Variants in ADAMTS15 observed in about 807,000 individuals in gnomAD.
ADAMTS15 encodes A disintegrin and metalloproteinase with thrombospondin motifs 15.
A neutral mutation model predicts 79.1 loss-of-function variants in ADAMTS15; 35 were observed. The ratio of observed to expected loss-of-function variants is 0.44; its 90% confidence interval spans 0.34 to 0.59. The LOEUF (loss-of-function observed/expected upper bound fraction) is 0.59. ADAMTS15 is among the 20% of genes least tolerant of loss of function. ADAMTS15 has a pLI of 0.02. For missense variants in ADAMTS15, 1,324 were observed against 1,318.7 expected (o/e 1.00, Z -0.06); for synonymous variants, 616 against 567.3 (o/e 1.09, Z -1.22).
intron 4 of ADAMTS15, among the ~76,000 whole-genome samples, chr11:130,468,242 C>G (rs1938343828): frequency 6.6e-6 from 1 of 152,188 alleles, no homozygotes; most frequent in Non-Finnish European, 1.5e-5. Flanking sequence ...TTAGTATTAT[C>G]AAACCCATTT....
chr11:130,462,043 T>G lies in ADAMTS15; in HGVS notation c.1091-44T>G, dbSNP rs1013308847. On this transcript the variant is annotated intron_variant, in intron 2 of 7. Coordinates refer to ENST00000299164, the MANE Select transcript of ADAMTS15 (RefSeq NM_139055.4). This position sits in a 1 kb window ranked among gnomAD's most constrained non-coding sequence, Gnocchi z 4.3. Reference sequence around the variant, plus strand: ...GCCCCATTCCTCCCTCCAACCCCCATGTCCTTCCTCCTGCCCTCTCAGTCC... The same window carrying G: ...GCCCCATTCCTCCCTCCAACCCCCAGGTCCTTCCTCCTGCCCTCTCAGTCC... The G allele has an allele frequency of 2.9e-5, 24 of 836,214 alleles. No homozygotes were observed. Among genetic ancestry groups the G allele is most frequent in the Middle Eastern group, 2.4e-4 (1 of 4,198 alleles). 51.8% of individuals were successfully genotyped at this position (836,214 alleles called of 1,614,324 possible). A position where few individuals can be genotyped will look rare whatever the true frequency, so the allele number is the denominator to read the frequency against.
chr11:130,473,231 A>G lies in ADAMTS15; in HGVS notation c.2263A>G (p.Ser755Gly), dbSNP rs1216875468. Residue 755 changes from serine (S) to glycine (G), a missense_variant, in exon 8 of 8, where the codon AGT becomes GGT. Coordinates refer to ENST00000299164, the MANE Select transcript of ADAMTS15 (RefSeq NM_139055.4). Reference protein sequence around the residue: ...AVERDLVVKGSLLRYSGTGTA... With the variant: ...AVERDLVVKGGLLRYSGTGTA... ...GGAGCGGGACCTGGTGGTGAAGGGC[A>G]GTCTGCTGCGGTACAGCGGCACGGG... is the stretch of plus-strand genomic sequence containing the variant. 1.2e-6 allele frequency: 2 copies of G among 1,613,774 alleles called. No individual in the cohort carries two copies. Among genetic ancestry groups the G allele is most frequent in the Non-Finnish European group, 1.7e-6 (2 of 1,180,030 alleles).
chr11:130,469,161 G>A, intron 4 of ADAMTS15, 101 bp from the exon 5 acceptor site: 1 of 1,098,396 alleles, frequency 9.1e-7, no homozygotes, highest in Non-Finnish European at 1.2e-6. Flanking sequence ...CAGGAAGGTG[G>A]GATGAGAACT....
At chr11:130,456,906 A>T (rs564816706) in intron 1 of ADAMTS15, among the ~76,000 whole-genome samples, 1 of 152,334 alleles carries the variant, frequency 6.6e-6, no homozygotes, top group Admixed American at 6.5e-5. Flanking sequence ...AGTCCGCTAC[A>T]TGAGAATGCG....
intron 4 of ADAMTS15, among the ~76,000 whole-genome samples, chr11:130,466,913 G>C (rs1938312009): frequency 6.6e-6 from 1 of 152,086 alleles, no homozygotes. Flanking sequence ...TCAGGCACAA[G>C]AGGGGCCCCC....
rs1565397511 is a variant in ADAMTS15, at chr11:130,470,134, ATATATATATATATATATG to A, written c.1720+697_1720+714del. On this transcript the variant is annotated intron_variant, in intron 5 of 7. Coordinates refer to ENST00000299164, the MANE Select transcript of ADAMTS15 (RefSeq NM_139055.4). Reference sequence around the variant, plus strand: ...ATTACTGAATCATATATATATATACATATATATATATATATATGTGTATATATATATATATATATATAT... The same window carrying A: ...ATTACTGAATCATATATATATATACATGTATATATATATATATATATATAT... 3.0e-4 allele frequency among the ~76,000 whole-genome samples: 21 copies of A among 70,982 alleles called. 3 individuals are homozygous for A. Among genetic ancestry groups the A allele is most frequent in the African/African-American group, 9.7e-4 (14 of 14,402 alleles). 46.6% of individuals were successfully genotyped at this position (70,982 alleles called of 152,430 possible).
rs1274406436 is a variant in ADAMTS15, at chr11:130,449,410, C to T, written c.437C>T (p.Ala146Val). 1.3e-6 allele frequency: 2 copies of T among 1,597,116 alleles called. No homozygotes were observed. The highest frequency in any genetic ancestry group is 1.1e-5 in the South Asian group (1 of 90,954). ...CCGCTGCCCAATGCTAGCGCGCCGG[C>T]GGCGCAGCGCAACAGCCAGGGCGCA... ...ISPLPNASAP[A>V]AQRNSQGAHL... The change falls in exon 1 of 8, where the codon GCG (alanine) becomes GTG (valine). Residue 146 changes from alanine (A) to valine (V), a missense_variant. Ala to Val is a moderately conservative substitution (Grantham distance 64). Coordinates refer to ENST00000299164, the MANE Select transcript of ADAMTS15 (RefSeq NM_139055.4). This position sits in a 1 kb window ranked among gnomAD's most constrained non-coding sequence, Gnocchi z 7.8.
chr11:130,458,196 T>A (rs1938126652), intron 1 of ADAMTS15, among the ~76,000 whole-genome samples: 2 of 152,194 alleles, frequency 1.3e-5, no homozygotes, highest in African/African-American at 4.8e-5. Flanking sequence ...GAGCATTCAA[T>A]CTGGTCTAGC....
In ADAMTS15 at chr11:130,469,294, TG is replaced by T; in HGVS notation, c.1577del (p.Gly526AlafsTer33). On this transcript the variant is annotated frameshift_variant, in exon 5 of 8. Coordinates refer to ENST00000299164, the MANE Select transcript of ADAMTS15 (RefSeq NM_139055.4). LOFTEE classifies it high-confidence loss of function. ...DGSWAKWDPY[G>X]PCSRTCGGGV... ...GTTCCTGGGCCAAATGGGATCCCTA[TG>T]GCCCCTGCTCGCGCACATGTGGTGG... The T allele has an allele frequency of 7.1e-7, 1 of 1,402,388 alleles. No homozygotes were observed. The highest frequency in any genetic ancestry group is 9.3e-7 in the Non-Finnish European group (1 of 1,073,302). 86.9% of individuals were successfully genotyped at this position (1,402,388 alleles called of 1,614,324 possible). A position where few individuals can be genotyped will look rare whatever the true frequency, so the allele number is the denominator to read the frequency against.
In ADAMTS15 at chr11:130,475,453, A is replaced by T. The variant is rs1425793494; in HGVS notation, c.*1632A>T. The T allele has an allele frequency of 1.3e-5, 2 of 152,248 alleles. No homozygotes were observed. The highest frequency in any genetic ancestry group is 2.9e-5 in the Non-Finnish European group (2 of 68,050). 9.4% of individuals were successfully genotyped at this position (152,248 alleles called of 1,614,324 possible). A position where few individuals can be genotyped will look rare whatever the true frequency, so the allele number is the denominator to read the frequency against. ...GATATTCTGCTTCTGAGTGTAGGTGATGAATCCAGGTCCTCAGTGGAGAAT... is the reference window on the plus strand; with the variant it reads ...GATATTCTGCTTCTGAGTGTAGGTGTTGAATCCAGGTCCTCAGTGGAGAAT... On this transcript the variant is annotated 3_prime_UTR_variant, in exon 8 of 8. Coordinates refer to ENST00000299164, the MANE Select transcript of ADAMTS15 (RefSeq NM_139055.4).
At position 130,449,758 on chromosome 11, in the gene ADAMTS15, T is replaced by A. The variant is rs1937924282; in HGVS notation, c.785T>A (p.Ile262Asn). 2 of 1,612,654 alleles carry A rather than the reference T, an allele frequency of 1.2e-6. No individual in the cohort carries two copies. The highest frequency in any genetic ancestry group is 3.3e-5 in the Admixed American group (2 of 60,002). The change falls in exon 1 of 8, where the codon ATC becomes AAC. Residue 262 changes from isoleucine to asparagine, a missense_variant. Ile to Asn is a moderately radical substitution (Grantham distance 149). Transcript: ENST00000299164. This position sits in a 1 kb window ranked among gnomAD's most constrained non-coding sequence, Gnocchi z 7.8. ...LYRHPSILNPINIVVVKVLLL... is the reference protein window; with the variant it reads ...LYRHPSILNPNNIVVVKVLLL... ...CGCCATCCCAGCATCCTCAACCCCA[T>A]CAACATCGTTGTGGTCAAGGTGCTG...
At chr11:130,470,162 A>ATATATATGTGTGTATG in intron 5 of ADAMTS15, among the ~76,000 whole-genome samples, 1 of 56,580 alleles carries the variant, frequency 1.8e-5, no homozygotes, top group East Asian at 3.6e-4. Context: ...GTGTATATAT[A>ATATATATGTGTGTATG]TATATATATA....
At chr11:130,450,042 G>A (rs925040667) in intron 1 of ADAMTS15, 112 bp downstream of exon 1, 2 of 1,511,314 alleles carry the variant, frequency 1.3e-6, no homozygotes, top group African/African-American at 1.4e-5. Context: ...TTTAAACCTC[G>A]TTGATCTCTT....
intron 4 of ADAMTS15, among the ~76,000 whole-genome samples, chr11:130,464,296 A>G (rs898291620): frequency 2.0e-5 from 3 of 152,206 alleles, no homozygotes; most frequent in Non-Finnish European, 4.4e-5. Context: ...AATTCTGTCT[A>G]TGATCAGGCA....
intron 1 of ADAMTS15, among the ~76,000 whole-genome samples, chr11:130,458,737 G>A (rs891941615): frequency 7.9e-5 from 12 of 152,136 alleles, no homozygotes; most frequent in African/African-American, 2.4e-4. Flanking sequence ...TTATTTCTGC[G>A]CCCTCTCCCT....
intron 1 of ADAMTS15, among the ~76,000 whole-genome samples, chr11:130,459,779 G>A (rs1565393394): frequency 6.6e-6 from 1 of 152,210 alleles, no homozygotes; most frequent in Admixed American, 6.5e-5. Flanking sequence ...CTGCTCAGGT[G>A]GTAAACCTCT....
Position 130,472,098 on chromosome 11 carries a change from A to G in ADAMTS15, c.2078+715A>G, listed in dbSNP as rs1592151579. Among the ~76,000 whole-genome samples, 1 of 152,222 alleles carries G rather than the reference A, an allele frequency of 6.6e-6. No homozygotes were observed. The highest frequency in any genetic ancestry group is 1.5e-5 in the Non-Finnish European group (1 of 68,032). Reference sequence around the variant, plus strand: ...GAGGTCAAACATATGCTCCTTGGAAAGCCCTGACCCACGTTCTAGAAGAAG... The same window carrying G: ...GAGGTCAAACATATGCTCCTTGGAAGGCCCTGACCCACGTTCTAGAAGAAG... On this transcript the variant is annotated intron_variant, in intron 7 of 7. Coordinates refer to ENST00000299164, the MANE Select transcript of ADAMTS15 (RefSeq NM_139055.4). The surrounding 1 kb of genome is among the most constrained non-coding windows in gnomAD (Gnocchi z 4.7).
Position 130,473,512 on chromosome 11 carries a change from G to A in ADAMTS15, c.2544G>A (p.Trp848Ter). ...RPPARWVAGS[W>*]GPCSASCGSG... ...CTGCACGCTGGGTGGCTGGCAGCTG[G>A]GGGCCGTGCTCCGCGAGCTGCGGCA... The change falls in exon 8 of 8, where the codon TGG becomes TGA. Residue 848 changes from tryptophan to a stop codon, truncating the protein, a stop_gained. Transcript: ENST00000299164. LOFTEE classifies it high-confidence loss of function. 1 of 1,609,724 alleles carries A rather than the reference G, an allele frequency of 6.2e-7. No individual in the cohort carries two copies. Among genetic ancestry groups the A allele is most frequent in the Non-Finnish European group, 8.5e-7 (1 of 1,177,872 alleles).
In ADAMTS15 at chr11:130,462,161, A is replaced by G. The variant is rs776231814; in HGVS notation, c.1165A>G (p.Met389Val). The G allele has an allele frequency of 3.1e-6, 5 of 1,614,204 alleles. No homozygotes were observed. The East Asian group carries it at 6.7e-5, about 22-fold the overall frequency. The change falls in exon 3 of 8, where the codon ATG becomes GTG. Residue 389 changes from methionine (M) to valine (V), a missense_variant. Transcript: ENST00000299164. The surrounding 1 kb of genome is among the most constrained non-coding windows in gnomAD (Gnocchi z 4.3). ...GTTTGGGAAGCTCCGAGCCAACCAC[A>G]TGATGTCCCCGACCCTCATCCAGAT... is the stretch of plus-strand genomic sequence containing the variant. Reference protein sequence around the residue: ...EVFGKLRANHMMSPTLIQIDR... With the variant: ...EVFGKLRANHVMSPTLIQIDR...
Sources: gnomAD v4.1 joint callset for allele counts (sites outside exome capture counted in the v4.1 genomes callset) on GRCh38, gnomAD v4.1.1 for gene constraint, Gnocchi (gnomAD v3.1) non-coding constraint, MANE v1.5 for transcripts, NCBI Gene and HGNC (gene_info 2026-07-23, HGNC 2026-07-21) for gene names.